RELB: variants seen among roughly 807,000 people sequenced by gnomAD.
RELB encodes the protein transcription factor RelB.
A neutral mutation model predicts 55.4 loss-of-function variants in RELB; 14 were observed. The ratio of observed to expected loss-of-function variants is 0.25; its 90% confidence interval spans 0.17 to 0.40. The LOEUF is 0.40. Ranked by LOEUF, RELB falls within the 10% of genes least tolerant of loss-of-function variation. The pLI is 1.00. For synonymous variants in RELB, 409 were observed against 371.3 expected (o/e 1.10, Z -1.17); for missense variants, 669 against 830.7 (o/e 0.81, Z 2.39).
chr19:45,013,598 C>T (rs1220611838), intron 4 of RELB, among the ~76,000 whole-genome samples: 5 of 151,638 alleles, frequency 3.3e-5, no homozygotes, highest in East Asian at 1.9e-4. Flanking sequence ...TTTGGGAGGC[C>T]GAGGCAGGCG....
chr19:45,025,867 G>A, intron 7 of RELB, 130 bp downstream of exon 7: 1 of 1,183,766 alleles, frequency 8.4e-7, no homozygotes, highest in East Asian at 2.4e-5. Flanking sequence ...GGGAGGTCGA[G>A]GTGGGAGGAT....
intron 11 of RELB, among the ~76,000 whole-genome samples, 184 bp downstream of exon 11, chr19:45,034,712 T>C (rs1272110242): frequency 6.6e-6 from 1 of 152,182 alleles, no homozygotes; most frequent in Admixed American, 6.6e-5. Context: ...TCTGATCTCT[T>C]CTGGGCCATT....
intron 4 of RELB, among the ~76,000 whole-genome samples, chr19:45,020,743 G>C (rs375445569): frequency 1.2e-4 from 10 of 82,932 alleles, no homozygotes; most frequent in African/African-American, 4.4e-4. Context: ...ATTTTTAGTA[G>C]AGATGGGGTT....
At chr19:45,028,768 T>C in intron 7 of RELB, 120 bp from the exon 8 acceptor site, 1 of 715,078 alleles carries the variant, frequency 1.4e-6, no homozygotes, top group Non-Finnish European at 2.4e-6. Flanking sequence ...TGCCCTGCCT[T>C]TTCAATTCCC....
At chr19:45,033,904 C>T (rs892001495) in intron 9 of RELB, among the ~76,000 whole-genome samples, 1 of 151,456 alleles carries the variant, frequency 6.6e-6, no homozygotes, top group Admixed American at 6.6e-5. Flanking sequence ...CCTGTAATCC[C>T]AACACTTCGG....
At chr19:45,025,544 C>T (rs1381875015) in intron 6 of RELB, 62 bp from the exon 7 acceptor site, 9 of 1,605,958 alleles carry the variant, frequency 5.6e-6, no homozygotes, top group Middle Eastern at 1.7e-4. Flanking sequence ...TTCCCCGTTC[C>T]CCTGTACCCC....
chr19:45,035,776 A>G (rs185619639), intron 11 of RELB, among the ~76,000 whole-genome samples: 62 of 152,356 alleles, frequency 4.1e-4, no homozygotes, highest in African/African-American at 1.4e-3. Flanking sequence ...CAGTGAGCCA[A>G]GATGGTGCCA....
At chr19:45,022,549 T>C (rs1467572003) in intron 5 of RELB, among the ~76,000 whole-genome samples, 2 of 7,530 alleles carry the variant, frequency 2.7e-4, no homozygotes, top group Non-Finnish European at 1.0e-3. Context: ...CAATTCATCT[T>C]TTTTTTTTTT....
chr19:45,037,425 G>T lies in RELB; in HGVS notation c.1375G>T (p.Ala459Ser), dbSNP rs1421847199. The change falls in exon 12 of 12, where the codon GCC (alanine) becomes TCC (serine). Residue 459 changes from alanine (A) to serine (S), a missense_variant. Ala to Ser is a moderately conservative substitution (Grantham distance 99, BLOSUM62 1). Transcript: ENST00000221452. ...HGSGPFLPPS[A>S]LLPDPDFFSG... ...CGTAGGCCCGTTCCTCCCGCCGTCA[G>T]CCCTGCTGCCAGACCCTGACTTCTT... The T allele has an allele frequency of 6.3e-7, 1 of 1,590,032 alleles. No homozygotes were observed. The highest frequency in any genetic ancestry group is 8.5e-7 in the Non-Finnish European group (1 of 1,172,778).
chr19:45,021,677 C>T (rs971292749), intron 4 of RELB, among the ~76,000 whole-genome samples: 2 of 124,760 alleles, frequency 1.6e-5, no homozygotes, highest in East Asian at 4.9e-4. Flanking sequence ...CAGGTTCAGG[C>T]GATTCTCCTG....
At position 45,025,674 on chromosome 19, in the gene RELB, C is replaced by T. The variant is rs747326911; in HGVS notation, c.823C>T (p.Arg275Trp). The T allele has an allele frequency of 9.9e-6, 16 of 1,613,824 alleles. 1 individual carries two copies. The highest frequency in any genetic ancestry group is 6.6e-5 in the South Asian group (6 of 91,078). The change falls in exon 7 of 12, where the codon CGG becomes TGG. Residue 275 changes from arginine to tryptophan, a missense_variant. Around this residue, in one of 3 missense-constraint regions of RELB, gnomAD observed 341 missense variants for 436.8 expected, o/e 0.78. Transcript: ENST00000221452. ...GAGGATCTGCTTCCAGGCCTCATAT[C>T]GGGACCAGCAGGGACAGATGCGCCG... Reference protein sequence around the residue: ...VVRICFQASYRDQQGQMRRMD... With the variant: ...VVRICFQASYWDQQGQMRRMD...
intron 9 of RELB, among the ~76,000 whole-genome samples, chr19:45,033,189 G>C (rs1242834330): frequency 6.6e-6 from 1 of 152,190 alleles, no homozygotes; most frequent in African/African-American, 2.4e-5. Context: ...TTGCCCAGAG[G>C]GGGTACCTGA....
chr19:45,003,603 G>A (rs376416906), intron 2 of RELB: 20 of 518,544 alleles, frequency 3.9e-5, no homozygotes, highest in Non-Finnish European at 5.8e-5. Context: ...CTTTGGAGCT[G>A]GGGTTTACAT....
intron 8 of RELB, among the ~76,000 whole-genome samples, chr19:45,030,045 T>C (rs1277093778): frequency 4.0e-5 from 6 of 151,894 alleles, no homozygotes; most frequent in Admixed American, 3.9e-4. Flanking sequence ...TGTGCACCTG[T>C]AGTCCCAGTT....
chr19:45,025,573 C>T (rs1171561447), intron 6 of RELB, 33 bp from the exon 7 acceptor site: 1 of 1,613,116 alleles, frequency 6.2e-7, no homozygotes, highest in Non-Finnish European at 8.5e-7. Flanking sequence ...TCTCCACTTC[C>T]CACCCTCAGC....
chr19:45,006,445 C>A (rs1440927385), intron 2 of RELB, among the ~76,000 whole-genome samples: 1 of 151,944 alleles, frequency 6.6e-6, no homozygotes, highest in African/African-American at 2.4e-5. Context: ...CTCCACTGAT[C>A]CAGCCACCTC....
chr19:45,028,693 C>T (rs1368858537), intron 7 of RELB, among the ~76,000 whole-genome samples, 195 bp from the exon 8 acceptor site: 1 of 152,140 alleles, frequency 6.6e-6, no homozygotes, highest in African/African-American at 2.4e-5. Context: ...GGCGATTGTT[C>T]GTTAACCCCT....
At chr19:45,031,801 C>T in intron 8 of RELB, among the ~76,000 whole-genome samples, 1 of 151,244 alleles carries the variant, frequency 6.6e-6, no homozygotes, top group East Asian at 2.0e-4. Context: ...TAGTCTCGAT[C>T]TCCTGACCTC....
At chr19:45,032,486 A>G (rs999336222) in intron 8 of RELB, 48 bp from the exon 9 acceptor site, 11 of 1,484,952 alleles carry the variant, frequency 7.4e-6, no homozygotes, top group African/African-American at 1.4e-5. Flanking sequence ...TTGGGAGCAC[A>G]GTGGTCCAGA....
Sources: allele counts gnomAD v4.1 joint callset (sites outside exome capture counted in the v4.1 genomes callset), GRCh38; gene constraint gnomAD v4.1.1; regional missense constraint gnomAD v4.1.1; transcripts MANE v1.5; gene names NCBI Gene and HGNC (gene_info 2026-07-23, HGNC 2026-07-21).